The following TTLL5 variants were observed in gnomAD, a reference collection of about 807,000 sequenced individuals.
TTLL5 encodes the protein tubulin polyglutamylase TTLL5.
Under a neutral mutation model 168.4 loss-of-function variants are expected in TTLL5, and 132 were observed. The observed-to-expected ratio is 0.78, with a 90% CI of 0.68 to 0.91. The LOEUF is 0.91. Among genes scored for constraint, TTLL5 ranks in the 40% least tolerant of loss-of-function variants. The pLI is 0.00. For missense variants in TTLL5, 1,545 were observed against 1,581.5 expected (o/e 0.98, Z 0.39); for synonymous variants, 546 against 558.6 (o/e 0.98, Z 0.32).
rs934261941 is a variant in TTLL5, at chr14:75,955,027, G to A, written c.*581G>A. 6.6e-6 allele frequency: 1 copy of A among 152,086 alleles called. No individual in the cohort carries two copies. Among genetic ancestry groups the A allele is most frequent in the African/African-American group, 2.4e-5 (1 of 41,364 alleles). 9.4% of individuals were successfully genotyped at this position (152,086 alleles called of 1,614,324 possible). On this transcript the variant is annotated 3_prime_UTR_variant, in exon 32 of 32. Coordinates refer to ENST00000298832, the MANE Select transcript of TTLL5 (RefSeq NM_015072.5). ...CATTGACAACATGAGCCAGGGTAAA[G>A]GCACCCTTTGGAATTACTGATTTCA...
chr14:75,903,900 T>TAAA (rs778868581), intron 31 of TTLL5, among the ~76,000 whole-genome samples: 1 of 130,822 alleles, frequency 7.6e-6, no homozygotes, highest in Non-Finnish European at 1.7e-5. Context: ...ACCTCTAATT[T>TAAA]AAAAAAAAAA....
At chr14:75,850,223 A>G (rs192732373) in intron 28 of TTLL5, among the ~76,000 whole-genome samples, 56 of 152,054 alleles carry the variant, frequency 3.7e-4, no homozygotes, top group Middle Eastern at 3.4e-3. Flanking sequence ...CCTGACCAAA[A>G]TGGAGAAACC....
chr14:75,685,966 A>AT (rs946311341), intron 5 of TTLL5, among the ~76,000 whole-genome samples: 10 of 152,186 alleles, frequency 6.6e-5, no homozygotes, highest in Admixed American at 1.3e-4. Context: ...AGGAACATGC[A>AT]TTTTTTAGGA....
chr14:75,682,564 G>T (rs1025223222), intron 4 of TTLL5, among the ~76,000 whole-genome samples: 5 of 152,086 alleles, frequency 3.3e-5, no homozygotes, highest in Non-Finnish European at 7.4e-5. Flanking sequence ...AGGAGGGGAT[G>T]GGTGGGTGAT....
intron 30 of TTLL5, among the ~76,000 whole-genome samples, chr14:75,894,727 A>G (rs538876767): frequency 2.2e-4 from 33 of 152,360 alleles, no homozygotes; most frequent in African/African-American, 6.5e-4. Context: ...TACATGAAAG[A>G]GACATACATA....
chr14:75,754,486 A>G (rs714261), intron 18 of TTLL5, among the ~76,000 whole-genome samples: 96,843 of 152,060 alleles, frequency 0.64, 33,634 homozygotes, highest in Non-Finnish European at 0.76. Flanking sequence ...TGACATGGAC[A>G]CTGCACTTGA....
chr14:75,809,861 C>G (rs1299302841), intron 27 of TTLL5, among the ~76,000 whole-genome samples: 1 of 152,076 alleles, frequency 6.6e-6, no homozygotes, highest in Non-Finnish European at 1.5e-5. Flanking sequence ...ACATAATGAC[C>G]TCCAGTTCCA....
intron 31 of TTLL5, among the ~76,000 whole-genome samples, chr14:75,922,166 A>C (rs2033850833): frequency 1.5e-5 from 1 of 67,922 alleles, no homozygotes; most frequent in South Asian, 4.3e-4. Context: ...ATATACAATC[A>C]TGTCATCTGC....
rs534421571 is a variant in TTLL5, at chr14:75,829,320, A to G, written c.3326+9159A>G. On this transcript the variant is annotated intron_variant, in intron 28 of 31. Coordinates refer to ENST00000298832, the MANE Select transcript of TTLL5 (RefSeq NM_015072.5). The stretch of plus-strand genomic sequence containing the variant: ...TCAAAGAATTGTAATCCATACTCTT[A>G]GTAATAGCTCATTATTGACCAGAAG... Among the ~76,000 whole-genome samples, 6 of 152,366 alleles carry G rather than the reference A, an allele frequency of 3.9e-5. No individual in the cohort carries two copies. In the South Asian group the frequency reaches 1.2e-3, roughly 32 times the overall value.
At chr14:75,885,199 TAAA>T (rs112302133) in intron 30 of TTLL5, among the ~76,000 whole-genome samples, 1 of 101,550 alleles carries the variant, frequency 9.8e-6, no homozygotes. Flanking sequence ...TTAATTAAAA[TAAA>T]AAAACTGGCC....
At chr14:75,687,860 G>A (rs144872277) in intron 5 of TTLL5, among the ~76,000 whole-genome samples, 17 of 152,246 alleles carry the variant, frequency 1.1e-4, no homozygotes, top group African/African-American at 3.9e-4. Flanking sequence ...AGTAATTAAT[G>A]GAATACAAAT....
At chr14:75,846,941 G>A (rs1896580956) in intron 28 of TTLL5, among the ~76,000 whole-genome samples, 1 of 152,018 alleles carries the variant, frequency 6.6e-6, no homozygotes, top group Non-Finnish European at 1.5e-5. Flanking sequence ...CAAGTGTAAT[G>A]TCTGAATTTA....
At chr14:75,840,388 C>T (rs1896156702) in intron 28 of TTLL5, among the ~76,000 whole-genome samples, 1 of 152,118 alleles carries the variant, frequency 6.6e-6, no homozygotes, top group Non-Finnish European at 1.5e-5. Context: ...AATGCTCTCC[C>T]TCCCCTTGCC....
rs149998919 is a variant in TTLL5, at chr14:75,670,159, C to T, written c.181+637C>T. On this transcript the variant is annotated intron_variant, in intron 3 of 31. Transcript: ENST00000298832. ...ATGAATGCATTCCAATGATACACCA[C>T]ATTTTGTTTATCCAGTCATCAGTTG... 4.0e-3 allele frequency among the ~76,000 whole-genome samples: 614 copies of T among 152,216 alleles called. 4 individuals are homozygous for T. Among genetic ancestry groups the T allele is most frequent in the East Asian group, 0.01 (53 of 5,190 alleles).
intron 17 of TTLL5, among the ~76,000 whole-genome samples, chr14:75,751,843 AT>A (rs763013136): frequency 3.3e-5 from 5 of 152,236 alleles, no homozygotes; most frequent in Non-Finnish European, 7.3e-5. Flanking sequence ...AAGCAAGTTT[AT>A]TAACAAAGTA....
intron 31 of TTLL5, among the ~76,000 whole-genome samples, chr14:75,910,523 A>T (rs900741308): frequency 6.6e-6 from 1 of 152,206 alleles, no homozygotes; most frequent in Non-Finnish European, 1.5e-5. Context: ...GAACCCACAC[A>T]TCTTATAGCC....
intron 31 of TTLL5, among the ~76,000 whole-genome samples, chr14:75,913,223 C>T (rs1381492694): frequency 6.6e-6 from 1 of 152,112 alleles, no homozygotes; most frequent in Non-Finnish European, 1.5e-5. Flanking sequence ...ATTGTCTGCT[C>T]CCTGACTCCC....
chr14:75,913,637 A>G (rs557211906), intron 31 of TTLL5, among the ~76,000 whole-genome samples: 1 of 152,356 alleles, frequency 6.6e-6, no homozygotes, highest in South Asian at 2.1e-4. Flanking sequence ...CTGATTGAAT[A>G]GATGAATGAG....
chr14:75,863,588 C>T (rs916939409), intron 28 of TTLL5, 79 bp from the exon 29 acceptor site: 3 of 1,356,294 alleles, frequency 2.2e-6, no homozygotes, highest in Non-Finnish European at 3.0e-6. Flanking sequence ...TGGAAAAATA[C>T]CTGAGATATT....
Sources: allele counts gnomAD v4.1 joint callset (sites outside exome capture counted in the v4.1 genomes callset), GRCh38; gene constraint gnomAD v4.1.1; transcripts MANE v1.5; gene names NCBI Gene and HGNC (gene_info 2026-07-23, HGNC 2026-07-21).